The following ABCG2 variants were observed in gnomAD, a reference collection of about 807,000 sequenced individuals.
ABCG2 encodes the protein ATP binding cassette subfamily G member 2 (JR blood group).
ABCG2 carries 80 observed loss-of-function variants against 73.5 expected under a neutral mutation model. The ratio of observed to expected loss-of-function variants is 1.09; its 90% confidence interval spans 0.91 to 1.31. The LOEUF (loss-of-function observed/expected upper bound fraction) is 1.31. ABCG2 is among the 50% of genes most tolerant of loss of function. ABCG2 has a pLI of 0.00. For synonymous variants in ABCG2, 269 were observed against 282.4 expected (o/e 0.95, Z 0.48); for missense variants, 796 against 786.2 (o/e 1.01, Z -0.15).
chr4:88,161,871 G>C (rs375514805), upstream of ABCG2, among the ~76,000 whole-genome samples: 5,870 of 126,822 alleles, frequency 0.046, 183 homozygotes, highest in Middle Eastern at 0.065. Context: ...ATTCTAACTG[G>C]TGTGAGATGA....
chr4:88,181,928 T>A (rs562660349), intron 1 of ABCG2, among the ~76,000 whole-genome samples: 2 of 151,722 alleles, frequency 1.3e-5, no homozygotes, highest in African/African-American at 4.8e-5. Flanking sequence ...TCCTTACGTA[T>A]CAATAATAAC....
At position 88,118,250 on chromosome 4, in the gene ABCG2, G is replaced by A; in HGVS notation, c.700C>T (p.Gln234Ter). The change falls in exon 7 of 16, where the codon CAG (glutamine) becomes TAG (stop). Residue 234 changes from glutamine to a stop codon, truncating the protein, a stop_gained. Coordinates refer to ENST00000237612, the MANE Select transcript of ABCG2 (RefSeq NM_004827.3). LOFTEE classifies it high-confidence loss of function. ...ATGGAGAAGATGATTGTTCGTCCCTGCTTAGACATCCTAAGTTAAAAGTGA... is the reference window on the plus strand; with the variant it reads ...ATGGAGAAGATGATTGTTCGTCCCTACTTAGACATCCTAAGTTAAAAGTGA... ...VLLLLKRMSK[Q>*]GRTIIFSIHQ... 1 of 1,613,846 alleles carries A rather than the reference G, an allele frequency of 6.2e-7. No individual in the cohort carries two copies. Among genetic ancestry groups the A allele is most frequent in the African/African-American group, 1.3e-5 (1 of 75,032 alleles).
intron 1 of ABCG2, among the ~76,000 whole-genome samples, chr4:88,150,310 C>T (rs960874251): frequency 1.3e-5 from 2 of 152,156 alleles, no homozygotes; most frequent in Non-Finnish European, 2.9e-5. Context: ...GAGGTGGTCA[C>T]GGAAGGCCTT....
At chr4:88,156,678 G>T (rs1420844196) in intron 1 of ABCG2, among the ~76,000 whole-genome samples, 1 of 152,048 alleles carries the variant, frequency 6.6e-6, no homozygotes, top group Admixed American at 6.6e-5. Context: ...AAAAAAACCC[G>T]CTAAACAACA....
chr4:88,199,359 C>T (rs1729062934), intron 1 of ABCG2, among the ~76,000 whole-genome samples: 1 of 151,946 alleles, frequency 6.6e-6, no homozygotes, highest in African/African-American at 2.4e-5. Flanking sequence ...TCGAAGAATA[C>T]CAGGAAGAAT....
At chr4:88,140,070 A>T (rs955430399) in intron 1 of ABCG2, 56 bp from the exon 2 acceptor site, 42 of 1,407,894 alleles carry the variant, frequency 3.0e-5, no homozygotes, top group Non-Finnish European at 3.9e-5. Flanking sequence ...GATTGCAAAC[A>T]CTAGGTGACA....
At chr4:88,128,429 C>T (rs552960413) in intron 5 of ABCG2, among the ~76,000 whole-genome samples, 14 of 152,214 alleles carry the variant, frequency 9.2e-5, no homozygotes, top group East Asian at 3.9e-4. Context: ...TGGGTATATA[C>T]GCAAAGGATT....
intron 6 of ABCG2, among the ~76,000 whole-genome samples, chr4:88,121,102 T>C (rs554397336): frequency 6.6e-6 from 1 of 152,238 alleles, no homozygotes; most frequent in East Asian, 1.9e-4. Context: ...TCAAAGAGGA[T>C]CAGGCCAGTA....
At chr4:88,199,569 C>T (rs1013356762) in intron 1 of ABCG2, among the ~76,000 whole-genome samples, 3 of 152,064 alleles carry the variant, frequency 2.0e-5, no homozygotes, top group Non-Finnish European at 4.4e-5. Context: ...TAGAAAAATA[C>T]CACCAACTTA....
At chr4:88,219,870 C>T (rs1729952317) in intron 1 of ABCG2, among the ~76,000 whole-genome samples, 1 of 151,620 alleles carries the variant, frequency 6.6e-6, no homozygotes, top group Non-Finnish European at 1.5e-5. Flanking sequence ...ATTACAGGCT[C>T]AAATAGTTTT....
chr4:88,139,290 C>G (rs2110054619), intron 2 of ABCG2, among the ~76,000 whole-genome samples: 1 of 152,260 alleles, frequency 6.6e-6, no homozygotes, highest in African/African-American at 2.4e-5. Context: ...TAGGCTCTCA[C>G]TTTGCCACCT....
intron 1 of ABCG2, among the ~76,000 whole-genome samples, chr4:88,190,470 T>C (rs1449571337): frequency 1.3e-5 from 2 of 152,202 alleles, no homozygotes; most frequent in African/African-American, 4.8e-5. Flanking sequence ...TAGGAGGGCA[T>C]CTGGTTAATT....
At chr4:88,225,386 T>C (rs946679856) in intron 1 of ABCG2, among the ~76,000 whole-genome samples, 4 of 152,190 alleles carry the variant, frequency 2.6e-5, no homozygotes, top group African/African-American at 9.6e-5. Context: ...AGTCACAGTT[T>C]GGCATTTTCA....
intron 1 of ABCG2, among the ~76,000 whole-genome samples, chr4:88,204,418 TCAAA>T (rs553150381): frequency 2.2e-4 from 34 of 152,096 alleles, no homozygotes; most frequent in African/African-American, 4.6e-4. Context: ...AGACTCCATC[TCAAA>T]CAAACAAACA....
intron 1 of ABCG2, among the ~76,000 whole-genome samples, chr4:88,144,393 T>C (rs1046630585): frequency 2.0e-5 from 3 of 151,954 alleles, no homozygotes; most frequent in African/African-American, 7.3e-5. Context: ...GGTCTACCTA[T>C]GTCATTCATA....
chr4:88,174,351 G>A (rs889668793), intron 1 of ABCG2, among the ~76,000 whole-genome samples: 2 of 152,062 alleles, frequency 1.3e-5, no homozygotes, highest in African/African-American at 2.4e-5. Flanking sequence ...GCCCTGGTGT[G>A]TGATGTTCCC....
At chr4:88,126,937 C>T (rs1218653228) in intron 5 of ABCG2, among the ~76,000 whole-genome samples, 1 of 152,050 alleles carries the variant, frequency 6.6e-6, no homozygotes, top group Non-Finnish European at 1.5e-5. Flanking sequence ...GGCAATCAGG[C>T]AAGAGAAAGA....
At chr4:88,115,240 C>CTCTCTCTGTCTCTCTCTCTCTG (rs1367879831) in intron 7 of ABCG2, among the ~76,000 whole-genome samples, 182 bp from the exon 8 acceptor site, 1 of 76,586 alleles carries the variant, frequency 1.3e-5, no homozygotes, top group African/African-American at 4.6e-5. Context: ...CAGTCTCTCT[C>CTCTCTCTGTCTCTCTCTCTCTG]TCTCTCTCTC....
rs10001782 is a variant in ABCG2 at position 88,136,188 on chromosome 4, T to G, written c.204-3553A>C. Among the ~76,000 whole-genome samples the G allele has an allele frequency of 6.3e-3, 965 of 152,288 alleles. 6 individuals are homozygous for G. The highest frequency in any genetic ancestry group is 0.022 in the African/African-American group (926 of 41,564). On this transcript the variant is annotated intron_variant, in intron 2 of 15. Coordinates refer to ENST00000237612, the MANE Select transcript of ABCG2 (RefSeq NM_004827.3). ...CCCGCCCGCTTTGGCCAGATCTGTA[T>G]GCACCTGCACGTGGGAGGTAGTTTT...
Sources: gnomAD v4.1 joint callset for allele counts (sites outside exome capture counted in the v4.1 genomes callset) on GRCh38, gnomAD v4.1.1 for gene constraint, MANE v1.5 for transcripts, NCBI Gene and HGNC (gene_info 2026-07-23, HGNC 2026-07-21) for gene names.